Variants in PLXNA2 observed in about 807,000 individuals in gnomAD.
PLXNA2 encodes the protein plexin-A2.
Under a neutral mutation model 193.5 loss-of-function variants are expected in PLXNA2, and 91 were observed. That is an observed-to-expected ratio of 0.47 (90% CI 0.40 to 0.56). The LOEUF is 0.56. Ranked by LOEUF, PLXNA2 falls within the 20% of genes least tolerant of loss-of-function variation. PLXNA2 has a pLI of 0.00. For missense variants in PLXNA2, 1,995 were observed against 2,503.2 expected, an observed-to-expected ratio of 0.80 and a Z score of 4.33; for synonymous variants, 997 against 1,027.3, an observed-to-expected ratio of 0.97 and a Z score of 0.56.
chr1:208,048,019 G>A (rs1665134343), intron 17 of PLXNA2, among the ~76,000 whole-genome samples: 1 of 152,156 alleles, frequency 6.6e-6, no homozygotes, highest in South Asian at 2.1e-4. Context: ...AGCTGAGCCA[G>A]GGGGTCCCAA....
chr1:208,156,633 T>C (rs1173630486), intron 3 of PLXNA2, among the ~76,000 whole-genome samples: 1 of 152,184 alleles, frequency 6.6e-6, no homozygotes, highest in Non-Finnish European at 1.5e-5. Flanking sequence ...ACACTCACCT[T>C]TGTCTTGTGT....
intron 12 of PLXNA2, among the ~76,000 whole-genome samples, chr1:208,074,285 G>A (rs933059158): frequency 1.3e-5 from 2 of 152,144 alleles, no homozygotes; most frequent in African/African-American, 2.4e-5. Flanking sequence ...GAACGGAAAC[G>A]TGGCGGGCCA....
At position 208,217,087 on chromosome 1, in the gene PLXNA2, C is replaced by T. The variant is rs1474889326; in HGVS notation, c.836G>A (p.Arg279His). The T allele has an allele frequency of 1.9e-6, 3 of 1,613,986 alleles. No homozygotes were observed. The highest frequency in any genetic ancestry group is 2.5e-6 in the Non-Finnish European group (3 of 1,180,020). The change falls in exon 2 of 32, where the codon CGC becomes CAC. Residue 279 changes from arginine (R) to histidine (H), a missense_variant. Around this residue, in one of 3 missense-constraint regions of PLXNA2, gnomAD observed 702 missense variants for 812.9 expected, o/e 0.86. Coordinates refer to ENST00000367033, the MANE Select transcript of PLXNA2 (RefSeq NM_025179.4). The surrounding 1 kb of genome is among the most constrained non-coding windows in gnomAD (Gnocchi z 4.7). ...NSAGDLFYTS[R>H]IVRLCKDDPK... Reference sequence around the variant, plus strand: ...GTCATCCTTGCAGAGCCGCACGATGCGTGAGGTGTAGAAGAGGTCTCCAGC... The same window carrying T: ...GTCATCCTTGCAGAGCCGCACGATGTGTGAGGTGTAGAAGAGGTCTCCAGC...
chr1:208,147,813 CA>C (rs1668645284), intron 3 of PLXNA2, among the ~76,000 whole-genome samples: 1 of 152,098 alleles, frequency 6.6e-6, no homozygotes, highest in Non-Finnish European at 1.5e-5. Context: ...TCTAAAAGTC[CA>C]AATTTCCCCC....
At chr1:208,199,119 T>A (rs927897594) in intron 3 of PLXNA2, among the ~76,000 whole-genome samples, 1 of 152,196 alleles carries the variant, frequency 6.6e-6, no homozygotes, top group Non-Finnish European at 1.5e-5. Flanking sequence ...AGGGTCCCAA[T>A]TCAGTGTTCT....
intron 3 of PLXNA2, among the ~76,000 whole-genome samples, chr1:208,160,082 A>G (rs903295941): frequency 3.3e-5 from 5 of 152,084 alleles, no homozygotes; most frequent in African/African-American, 1.2e-4. Context: ...ATTCAGCTGC[A>G]CTCGGAAGGC....
At chr1:208,139,819 C>T (rs866832445) in intron 4 of PLXNA2, among the ~76,000 whole-genome samples, 2 of 152,348 alleles carry the variant, frequency 1.3e-5, no homozygotes, top group East Asian at 1.9e-4. Flanking sequence ...CGGCCTCAGA[C>T]AGATGGGCCT....
Position 208,217,170 on chromosome 1 carries a change from G to A in PLXNA2, c.753C>T (p.Gly251=), listed in dbSNP as rs1293085535. Residue 251 remains glycine (G), a synonymous_variant, in exon 2 of 32, where the codon GGC becomes GGT. Transcript: ENST00000367033. This position sits in a 1 kb window ranked among gnomAD's most constrained non-coding sequence, Gnocchi z 4.7. ...GCTGGACAGTGAGAAAGTAGACAAAGCCCCCACTAGCAAAGCCGTAGATGT... is the reference window on the plus strand; with the variant it reads ...GCTGGACAGTGAGAAAGTAGACAAAACCCCCACTAGCAAAGCCGTAGATGT... The part of the protein sequence containing the change: ...IFYIYGFASG[G]FVYFLTVQPE... 1 of 1,614,162 alleles carries A rather than the reference G, an allele frequency of 6.2e-7. No individual in the cohort carries two copies. Among genetic ancestry groups the A allele is most frequent in the East Asian group, 2.2e-5 (1 of 44,874 alleles).
chr1:208,101,580 C>T (rs549216139), intron 5 of PLXNA2, among the ~76,000 whole-genome samples: 1 of 152,314 alleles, frequency 6.6e-6, no homozygotes, highest in East Asian at 1.9e-4. Context: ...TGGCTAATTC[C>T]AGCAGTCACG....
At chr1:208,119,270 G>A (rs1186807676) in intron 4 of PLXNA2, among the ~76,000 whole-genome samples, 3 of 152,192 alleles carry the variant, frequency 2.0e-5, no homozygotes, top group African/African-American at 4.8e-5. Flanking sequence ...CAGGAGATAT[G>A]TTCCCTGATG....
intron 4 of PLXNA2, among the ~76,000 whole-genome samples, chr1:208,110,262 C>T (rs182554917): frequency 5.3e-5 from 8 of 152,372 alleles, no homozygotes; most frequent in Admixed American, 5.2e-4. Context: ...GAAAAATTCC[C>T]ACACCACTTT....
intron 4 of PLXNA2, among the ~76,000 whole-genome samples, chr1:208,127,215 A>C (rs1668000503): frequency 6.6e-6 from 1 of 152,170 alleles, no homozygotes; most frequent in Admixed American, 6.5e-5. Context: ...GCCATACTCT[A>C]CCTTGGATGA....
At chr1:208,091,714 T>C (rs558568591) in intron 9 of PLXNA2, among the ~76,000 whole-genome samples, 1 of 152,006 alleles carries the variant, frequency 6.6e-6, no homozygotes, top group South Asian at 2.1e-4. Flanking sequence ...CTACTAAAAA[T>C]ACAAAAATTT....
rs762424577 is a variant in PLXNA2 at position 208,023,929 on chromosome 1, G to A, written c.*3314C>T. On this transcript the variant is annotated 3_prime_UTR_variant, in exon 32 of 32. Transcript: ENST00000367033. ...TTTAATGACTGAACTCTGTAAAGAG[G>A]GGAACCCTCTGCCAATGGGGGATCA... 1.3e-5 allele frequency: 2 copies of A among 152,222 alleles called. No individual in the cohort carries two copies. Among genetic ancestry groups the A allele is most frequent in the Non-Finnish European group, 2.9e-5 (2 of 68,078 alleles). 9.4% of individuals were successfully genotyped at this position (152,222 alleles called of 1,614,324 possible).
chr1:208,234,848 C>T (rs1226280368), intron 1 of PLXNA2, among the ~76,000 whole-genome samples: 1 of 152,128 alleles, frequency 6.6e-6, no homozygotes, highest in Non-Finnish European at 1.5e-5. Flanking sequence ...AAACAAACCT[C>T]CTAGCAATTG....
At chr1:208,231,721 G>A (rs78937651) in intron 1 of PLXNA2, among the ~76,000 whole-genome samples, 8,709 of 152,300 alleles carry the variant, frequency 0.057, 367 homozygotes, top group East Asian at 0.15. Flanking sequence ...AGCAGCATAC[G>A]CATCACCAGT....
At position 208,044,665 on chromosome 1, in the gene PLXNA2, G is replaced by C; in HGVS notation, c.3717C>G (p.Ile1239Met). ...ISDSLLTLPA[I>M]VSIAAGGSLL... is the part of the protein sequence containing the mutation. ...GGCTGCCGCCGGCCGCGATGCTGAC[G>C]ATGGCTGGCAGGGTCAGCAAGCTGT... Residue 1239 changes from isoleucine to methionine, a missense_variant, in exon 20 of 32, where the codon ATC becomes ATG. Ile to Met is a conservative substitution (Grantham distance 10). Around this residue, in one of 3 missense-constraint regions of PLXNA2, gnomAD observed 1,291 missense variants for 1,673.6 expected, o/e 0.77. Coordinates refer to ENST00000367033, the MANE Select transcript of PLXNA2 (RefSeq NM_025179.4). This position sits in a 1 kb window ranked among gnomAD's most constrained non-coding sequence, Gnocchi z 4.9. 1 of 1,614,066 alleles carries C rather than the reference G, an allele frequency of 6.2e-7. No homozygotes were observed. The highest frequency in any genetic ancestry group is 8.5e-7 in the Non-Finnish European group (1 of 1,179,998).
In PLXNA2 at chr1:208,217,871, C is replaced by G. The variant is rs1285882397; in HGVS notation, c.52G>C (p.Val18Leu). Residue 18 changes from valine (V) to leucine (L), a missense_variant, in exon 2 of 32, where the codon GTG becomes CTG. Physicochemically the swap from Val to Leu is conservative, Grantham distance 32. Transcript: ENST00000367033. This position sits in a 1 kb window ranked among gnomAD's most constrained non-coding sequence, Gnocchi z 4.7. ...PRALEVDSRS[V>L]VLLSVVWVLL... ...ACCCAGACCACTGAGAGCAGGACCA[C>G]AGAGCGGCTGTCCACCTCCAGGGCC... The G allele has an allele frequency of 1.2e-6, 2 of 1,613,182 alleles. No individual in the cohort carries two copies. Among genetic ancestry groups the G allele is most frequent in the Non-Finnish European group, 1.7e-6 (2 of 1,180,020 alleles).
intron 1 of PLXNA2, among the ~76,000 whole-genome samples, chr1:208,222,758 C>T (rs1011164715): frequency 8.5e-5 from 13 of 152,134 alleles, no homozygotes; most frequent in Non-Finnish European, 1.9e-4. Flanking sequence ...ACTTGGCTTT[C>T]CCTTATAGCA....
Sources: allele counts gnomAD v4.1 joint callset (sites outside exome capture counted in the v4.1 genomes callset), GRCh38; gene constraint gnomAD v4.1.1; regional missense constraint gnomAD v4.1.1; non-coding constraint Gnocchi (gnomAD v3.1); transcripts MANE v1.5; gene names NCBI Gene and HGNC (gene_info 2026-07-23, HGNC 2026-07-21).